SRCIN1: variants seen among roughly 807,000 people sequenced by gnomAD.
SRCIN1 encodes the protein P130Cas-associated protein.
In SRCIN1, 50 loss-of-function variants were observed where a neutral mutation model predicts 116.2. The observed-to-expected ratio is 0.43, with a 90% confidence interval of 0.34 to 0.54. SRCIN1 has a LOEUF of 0.54. Among genes scored for constraint, SRCIN1 ranks in the 20% least tolerant of loss-of-function variants. SRCIN1 has a pLI of 0.02. For missense variants in SRCIN1, 1,446 were observed against 1,672.0 expected (o/e 0.86, Z 2.36); for synonymous variants, 736 against 750.0 (o/e 0.98, Z 0.30).
rs893772747 is a variant in SRCIN1, at chr17:38,555,341, C to T, written c.2202-2486G>A. 2.6e-5 allele frequency among the ~76,000 whole-genome samples: 4 copies of T among 152,316 alleles called. No homozygotes were observed. The East Asian group carries it at 5.8e-4, about 22-fold the overall frequency. On this transcript the variant is annotated intron_variant, in intron 11 of 18. Transcript: ENST00000617146. The stretch of plus-strand genomic sequence containing the variant: ...TGTAAGGTCCTCCATGCTCCTTTCT[C>T]CTTTTCCATTGGTTGGAAACTCTCT...
chr17:38,554,226 A>G (rs1431489511), intron 11 of SRCIN1, among the ~76,000 whole-genome samples: 2 of 150,664 alleles, frequency 1.3e-5, no homozygotes, highest in Non-Finnish European at 3.0e-5. Flanking sequence ...AAAAAAAAAG[A>G]GTTCCCCCTT....
rs1051352928 is a variant in SRCIN1 at position 38,530,621 on chromosome 17, T to A, written c.*2676A>T. On this transcript the variant is annotated 3_prime_UTR_variant, in exon 19 of 19. Transcript: ENST00000617146. ...GCACACAGAGGCACACCCACACACT[T>A]GGGTCTGCACCAGCACACATACCTG... 1.3e-5 allele frequency: 2 copies of A among 152,248 alleles called. No homozygotes were observed. The highest frequency in any genetic ancestry group is 2.9e-5 in the Non-Finnish European group (2 of 68,092). The allele number at this position is 152,248 out of a possible 1,614,324, so 9.4% of individuals were successfully genotyped here.
At chr17:38,576,655 C>G (rs140665595) in intron 2 of SRCIN1, among the ~76,000 whole-genome samples, 1 of 152,018 alleles carries the variant, frequency 6.6e-6, no homozygotes, top group Non-Finnish European at 1.5e-5. Flanking sequence ...TGCTCAAACC[C>G]GTCTCTGTAT....
rs771458618 is a variant in SRCIN1 at position 38,544,299 on chromosome 17, C to T, written c.3271-330G>A. On this transcript the variant is annotated intron_variant, in intron 17 of 18. Coordinates refer to ENST00000617146, the MANE Select transcript of SRCIN1 (RefSeq NM_025248.3). The surrounding 1 kb of genome is among the most constrained non-coding windows in gnomAD (Gnocchi z 4.5). The stretch of plus-strand genomic sequence containing the variant: ...CTGCTAAAGTGAGGGTCCCCAGCAG[C>T]AACCCCACTCCCGGCAAGGGGCACC... 2.2e-4 allele frequency among the ~76,000 whole-genome samples: 33 copies of T among 152,238 alleles called. No homozygotes were observed. Among genetic ancestry groups the T allele is most frequent in the Non-Finnish European group, 3.4e-4 (23 of 67,976 alleles).
At chr17:38,591,647 C>T (rs372884876) in intron 1 of SRCIN1, among the ~76,000 whole-genome samples, 3 of 152,238 alleles carry the variant, frequency 2.0e-5, no homozygotes, top group East Asian at 3.8e-4. Flanking sequence ...CCTTCCTTGC[C>T]TCCTGCTCCT....
At chr17:38,549,318 G>A in intron 15 of SRCIN1, 108 bp from the exon 16 acceptor site, 1 of 1,169,264 alleles carries the variant, frequency 8.6e-7, no homozygotes, top group East Asian at 3.0e-5. Flanking sequence ...GGGAGGACCA[G>A]GAGGAGGTGA....
At chr17:38,550,025 G>A (rs1194318389) in intron 15 of SRCIN1, among the ~76,000 whole-genome samples, 1 of 152,180 alleles carries the variant, frequency 6.6e-6, no homozygotes, top group Admixed American at 6.5e-5. Context: ...TAGGGCCTCC[G>A]CCAGGACTGC....
At chr17:38,605,456 T>C (rs1909306586) in intron 1 of SRCIN1, among the ~76,000 whole-genome samples, 1 of 129,556 alleles carries the variant, frequency 7.7e-6, no homozygotes. Context: ...TGCCCCCTTC[T>C]CTGGTCCCAG....
intron 2 of SRCIN1, among the ~76,000 whole-genome samples, chr17:38,569,694 A>C (rs528019164): frequency 2.0e-5 from 3 of 152,288 alleles, no homozygotes; most frequent in East Asian, 3.9e-4. Flanking sequence ...ACCAAAAAAA[A>C]CAGTCACATA....
chr17:38,606,004 G>T (rs2143495659), upstream of SRCIN1: 1 of 143,988 alleles, frequency 6.9e-6, no homozygotes, highest in African/African-American at 2.5e-5. This position sits in a 1 kb window ranked among gnomAD's most constrained non-coding sequence, Gnocchi z 5.2. Context: ...CGCGCGCGCG[G>T]CGCGGGCGCG....
At chr17:38,548,947 T>G in intron 16 of SRCIN1, 109 bp downstream of exon 16, 1 of 1,337,490 alleles carries the variant, frequency 7.5e-7, no homozygotes, top group Non-Finnish European at 1.0e-6. Flanking sequence ...TTTCCTTCCA[T>G]GTTCTCTGAG....
chr17:38,599,292 A>G (rs1381256719), intron 1 of SRCIN1, among the ~76,000 whole-genome samples: 6 of 152,118 alleles, frequency 3.9e-5, no homozygotes, highest in Non-Finnish European at 7.3e-5. Flanking sequence ...CTCCAGCCCA[A>G]TGCTTGTTCT....
intron 10 of SRCIN1, 110 bp downstream of exon 10, chr17:38,559,459 CGAAGGACTCGGGCGTG>C: frequency 1.0e-6 from 1 of 996,332 alleles, no homozygotes; most frequent in East Asian, 2.8e-5. Context: ...CAGTGAGCGG[CGAAGGACTCGGGCGTG>C]GAAGCTCTGG....
intron 1 of SRCIN1, among the ~76,000 whole-genome samples, chr17:38,590,354 G>A (rs965387116): frequency 2.6e-5 from 4 of 152,216 alleles, no homozygotes; most frequent in African/African-American, 9.7e-5. Flanking sequence ...TCCTGCCTCA[G>A]CCTCCCGAGT....
Position 38,578,747 on chromosome 17 carries a change from C to G in SRCIN1, c.67G>C (p.Glu23Gln). Reference sequence around the variant, plus strand: ...AGGGTCCGGTACTCCCGCGGGTACTCCGCATCGTCCGCAGACAGCATGGGG... The same window carrying G: ...AGGGTCCGGTACTCCCGCGGGTACTGCGCATCGTCCGCAGACAGCATGGGG... ...SPPMLSADDAEYPREYRTLGG... is the reference protein window; with the variant it reads ...SPPMLSADDAQYPREYRTLGG... Residue 23 changes from glutamate to glutamine, a missense_variant, in exon 2 of 19, where the codon GAG becomes CAG. Glu to Gln is a conservative substitution (Grantham distance 29). Around this residue, in one of 5 missense-constraint regions of SRCIN1, gnomAD observed 246 missense variants for 265.1 expected, o/e 0.93. Coordinates refer to ENST00000617146, the MANE Select transcript of SRCIN1 (RefSeq NM_025248.3). 6.6e-7 allele frequency: 1 copy of G among 1,525,628 alleles called. No individual in the cohort carries two copies. The highest frequency in any genetic ancestry group is 8.8e-7 in the Non-Finnish European group (1 of 1,140,916). The allele number at this position is 1,525,628 out of a possible 1,614,324, so 94.5% of individuals were successfully genotyped here. A position where few individuals can be genotyped will look rare whatever the true frequency, so the allele number is the denominator to read the frequency against.
At position 38,564,000 on chromosome 17, in the gene SRCIN1, G is replaced by C; in HGVS notation, c.541+118C>G. On this transcript the variant is annotated intron_variant, in intron 4 of 18. Coordinates refer to ENST00000617146, the MANE Select transcript of SRCIN1 (RefSeq NM_025248.3). The surrounding 1 kb of genome is among the most constrained non-coding windows in gnomAD (Gnocchi z 5.8). ...GTTGCTTGGGGAGAAGGGGCTGTGG[G>C]AAAGAGAGCAGAGCTTGAGGCGAGC... 8.3e-7 allele frequency: 1 copy of C among 1,197,650 alleles called. No homozygotes were observed. The highest frequency in any genetic ancestry group is 1.4e-5 in the South Asian group (1 of 70,322). The allele number at this position is 1,197,650 out of a possible 1,614,324, so 74.2% of individuals were successfully genotyped here.
intron 7 of SRCIN1, among the ~76,000 whole-genome samples, chr17:38,560,997 C>T (rs892998777): frequency 1.3e-5 from 2 of 152,232 alleles, no homozygotes; most frequent in Non-Finnish European, 2.9e-5. Flanking sequence ...AGGGGCTCCT[C>T]AGCCTGGAGG....
At chr17:38,543,735 G>A (rs1344667483) in intron 18 of SRCIN1, 88 bp downstream of exon 18, 13 of 1,514,446 alleles carry the variant, frequency 8.6e-6, no homozygotes, top group South Asian at 2.5e-5. Flanking sequence ...AGCTGGTCAC[G>A]GGAGCAGGGG....
chr17:38,549,191 T>A lies in SRCIN1; in HGVS notation c.2982A>T (p.Arg994=). The change falls in exon 16 of 19, where the codon CGA becomes CGT. Residue 994 remains arginine (R), a synonymous_variant. Transcript: ENST00000617146. ...ACTTGGAGGGCTTCTCTGTGCGGTA[T>A]CGGGGCACGGTCAACTCATCTGCAG... ...RRGSDELTVP[R]YRTEKPSKSP... 6.4e-7 allele frequency: 1 copy of A among 1,551,086 alleles called. No homozygotes were observed. The highest frequency in any genetic ancestry group is 8.7e-7 in the Non-Finnish European group (1 of 1,151,858).
Sources: gnomAD v4.1 joint callset for allele counts (sites outside exome capture counted in the v4.1 genomes callset) on GRCh38, gnomAD v4.1.1 for gene constraint, gnomAD v4.1.1 regional missense constraint, Gnocchi (gnomAD v3.1) non-coding constraint, MANE v1.5 for transcripts, NCBI Gene and HGNC (gene_info 2026-07-23, HGNC 2026-07-21) for gene names.